Variants in PACRG observed in about 807,000 individuals in gnomAD.
The protein encoded by PACRG is parkin coregulated gene protein.
Under a neutral mutation model 29.7 loss-of-function variants are expected in PACRG, and 29 were observed. The ratio of observed to expected loss-of-function variants is 0.98; its 90% CI spans 0.73 to 1.33. The LOEUF (loss-of-function observed/expected upper bound fraction) is 1.33. Among genes scored for constraint, PACRG ranks in the 40% most tolerant of loss-of-function variants. The probability of loss-of-function intolerance (pLI) is 0.00; values close to 1 mark genes in which losing one functional copy is unlikely to be tolerated. For missense variants in PACRG, 279 were observed against 316.2 expected, an observed-to-expected ratio of 0.88 and a Z score of 0.89; for synonymous variants, 116 against 118.7, an observed-to-expected ratio of 0.98 and a Z score of 0.15.
chr6:163,062,360 G>A (rs917570543), intron 3 of PACRG, 39 bp downstream of exon 3: 15 of 1,553,162 alleles, frequency 9.7e-6, no homozygotes, highest in African/African-American at 8.3e-5. Flanking sequence ...CAGTTTATAC[G>A]GTGTTGCTTT....
chr6:163,202,918 T>G (rs1190287714), intron 4 of PACRG, among the ~76,000 whole-genome samples: 1 of 152,192 alleles, frequency 6.6e-6, no homozygotes, highest in Non-Finnish European at 1.5e-5. Flanking sequence ...TTTTCATCTC[T>G]AGTCTGATTG....
chr6:163,020,864 C>T (rs1341685963), intron 2 of PACRG, among the ~76,000 whole-genome samples: 4 of 152,144 alleles, frequency 2.6e-5, no homozygotes, highest in Non-Finnish European at 5.9e-5. Flanking sequence ...ACAGCCCTGC[C>T]ACCATCAATC....
chr6:162,967,238 A>G (rs1801114578), intron 2 of PACRG, among the ~76,000 whole-genome samples: 1 of 118,682 alleles, frequency 8.4e-6, no homozygotes, highest in Non-Finnish European at 1.7e-5. Context: ...AAGTGATTTT[A>G]TTACTAAAAC....
chr6:162,828,806 G>A (rs1364351091), intron 2 of PACRG, among the ~76,000 whole-genome samples: 3 of 152,044 alleles, frequency 2.0e-5, no homozygotes, highest in African/African-American at 7.2e-5. Flanking sequence ...ATATCAAAAA[G>A]AATAAAGTGT....
At chr6:162,997,574 T>C in intron 2 of PACRG, 1 of 328,886 alleles carries the variant, frequency 3.0e-6, no homozygotes. Flanking sequence ...ACAGACTTCA[T>C]AAAAGAGGTG....
intron 2 of PACRG, among the ~76,000 whole-genome samples, chr6:163,025,744 A>G (rs1338035399): frequency 6.6e-6 from 1 of 152,250 alleles, no homozygotes; most frequent in Non-Finnish European, 1.5e-5. Flanking sequence ...TGTGGTTCCC[A>G]ACAGGATTCT....
At chr6:163,193,890 C>CTTTTTTTT (rs746859009) in intron 4 of PACRG, among the ~76,000 whole-genome samples, 5 of 111,464 alleles carry the variant, frequency 4.5e-5, no homozygotes, top group Non-Finnish European at 5.8e-5. Context: ...CTTTTTGTTT[C>CTTTTTTTT]TTTTTTTTTT....
At chr6:162,727,537 ACGGGC>A, upstream of PACRG, 1 of 1,100,468 alleles carries the variant, frequency 9.1e-7, no homozygotes, top group Non-Finnish European at 1.3e-6. Context: ...CGGGGACGGC[ACGGGC>A]ACTTTGGCCC....
chr6:163,012,949 G>A (rs1242613931), intron 2 of PACRG, among the ~76,000 whole-genome samples: 1 of 151,966 alleles, frequency 6.6e-6, no homozygotes, highest in Non-Finnish European at 1.5e-5. Flanking sequence ...ATCTATACAT[G>A]GTTAATAAGC....
intron 1 of PACRG, among the ~76,000 whole-genome samples, chr6:162,729,949 G>A (rs1779625387): frequency 1.3e-5 from 2 of 151,768 alleles, no homozygotes; most frequent in African/African-American, 2.4e-5. Flanking sequence ...CTCTTTTTAT[G>A]TTCTAAAGGA....
chr6:163,303,447 T>A (rs1316656137), intron 4 of PACRG, among the ~76,000 whole-genome samples: 1 of 152,184 alleles, frequency 6.6e-6, no homozygotes, highest in Non-Finnish European at 1.5e-5. Context: ...AATGGAGAAG[T>A]CTGATAGCAG....
At chr6:162,742,849 T>C (rs1780703281) in intron 1 of PACRG, among the ~76,000 whole-genome samples, 1 of 152,082 alleles carries the variant, frequency 6.6e-6, no homozygotes, top group Admixed American at 6.5e-5. Flanking sequence ...AGAAAGAAGA[T>C]ATTCAAAGAA....
chr6:162,982,254 G>A (rs1272263957), intron 2 of PACRG, among the ~76,000 whole-genome samples: 1 of 151,676 alleles, frequency 6.6e-6, no homozygotes, highest in Admixed American at 6.6e-5. Context: ...CCAGCTTTTT[G>A]TTTCATTTAT....
chr6:163,280,132 C>T (rs1184477300), intron 4 of PACRG, among the ~76,000 whole-genome samples: 1 of 152,236 alleles, frequency 6.6e-6, no homozygotes, highest in Non-Finnish European at 1.5e-5. Context: ...GGCCTCTGCT[C>T]AGTCTCCTTT....
At chr6:162,839,732 G>A (rs1329446538) in intron 2 of PACRG, among the ~76,000 whole-genome samples, 10 of 152,120 alleles carry the variant, frequency 6.6e-5, no homozygotes, top group African/African-American at 2.4e-4. Flanking sequence ...TTGAGGTCTA[G>A]CATTTAAGTC....
At chr6:163,227,911 A>G (rs1278720134) in intron 4 of PACRG, among the ~76,000 whole-genome samples, 1 of 152,220 alleles carries the variant, frequency 6.6e-6, no homozygotes, top group Non-Finnish European at 1.5e-5. Flanking sequence ...TCCAAGTCGA[A>G]AAAACTAATT....
intron 2 of PACRG, chr6:163,051,382 GT>G (rs1249135109): frequency 6.6e-6 from 1 of 151,958 alleles, no homozygotes; most frequent in Non-Finnish European, 1.5e-5. Context: ...TTTTCTGTGA[GT>G]CCCATGTACG....
intron 4 of PACRG, among the ~76,000 whole-genome samples, chr6:163,197,069 T>A (rs1225763673): frequency 6.6e-6 from 1 of 152,148 alleles, no homozygotes; most frequent in Non-Finnish European, 1.5e-5. Flanking sequence ...TAAGAAGAAC[T>A]CGTGGTCATT....
chr6:162,955,322 C>T (rs571423355), intron 2 of PACRG, among the ~76,000 whole-genome samples: 54 of 152,092 alleles, frequency 3.6e-4, no homozygotes, highest in African/African-American at 8.9e-4. Flanking sequence ...TTTTTTGAGA[C>T]GGAGTCTCTC....
Sources: allele counts gnomAD v4.1 joint callset (sites outside exome capture counted in the v4.1 genomes callset), GRCh38; gene constraint gnomAD v4.1.1; transcripts MANE v1.5; gene names NCBI Gene and HGNC (gene_info 2026-07-23, HGNC 2026-07-21).